The following VPS13B variants were observed in gnomAD, a reference collection of about 807,000 sequenced individuals.
VPS13B encodes the protein intermembrane lipid transfer protein VPS13B.
In VPS13B, 285 loss-of-function variants were observed where a neutral mutation model predicts 426.4. The observed-to-expected ratio is 0.67, with a 90% CI of 0.61 to 0.74. The LOEUF is 0.74. Ranked by LOEUF, VPS13B falls within the 30% of genes least tolerant of loss-of-function variation. VPS13B has a pLI of 0.00. For missense variants in VPS13B, 4,537 were observed against 4,782.6 expected, an observed-to-expected ratio of 0.95 and a Z score of 1.51; for synonymous variants, 1,676 against 1,676.4, an observed-to-expected ratio of 1.00 and a Z score of 0.01.
intron 31 of VPS13B, among the ~76,000 whole-genome samples, chr8:99,566,179 A>AT (rs1825171703): frequency 6.6e-6 from 1 of 151,846 alleles, no homozygotes; most frequent in Admixed American, 6.6e-5. Flanking sequence ...AACAGGGCAG[A>AT]GATCCTGTCT....
chr8:99,121,247 G>A lies in VPS13B; in HGVS notation c.1008G>A (p.Gln336=). The part of the protein sequence containing the change: ...AQHKGQELYS[Q]QDEEQPQGWV... ...ATAAAGGTCAAGAGTTATATTCACAGCAAGATGAGGAGCAGCCACAGGGAT... is the reference window on the plus strand; with the variant it reads ...ATAAAGGTCAAGAGTTATATTCACAACAAGATGAGGAGCAGCCACAGGGAT... Residue 336 remains glutamine, a synonymous_variant, in exon 8 of 62, where the codon CAG becomes CAA. Coordinates refer to ENST00000357162, the MANE Select transcript of VPS13B (RefSeq NM_152564.5). 1 of 1,614,064 alleles carries A rather than the reference G, an allele frequency of 6.2e-7. No individual in the cohort carries two copies. The highest frequency in any genetic ancestry group is 8.5e-7 in the Non-Finnish European group (1 of 1,179,998).
In VPS13B at chr8:99,784,492, C is replaced by A. The variant is rs1484297251; in HGVS notation, c.7941+16C>A. 1.9e-6 allele frequency: 3 copies of A among 1,613,316 alleles called. No individual in the cohort carries two copies. The highest frequency in any genetic ancestry group is 3.3e-5 in the Admixed American group (2 of 59,946). On this transcript the variant is annotated intron_variant, in intron 43 of 61. Coordinates refer to ENST00000357162, the MANE Select transcript of VPS13B (RefSeq NM_152564.5). ...ATCCCCACAGGTATTTGAGAAACAC[C>A]CTTACAAACAGCCATTGTTAAGGTT...
intron 4 of VPS13B, 101 bp downstream of exon 4, chr8:99,096,533 A>G (rs1588031490): frequency 2.0e-6 from 3 of 1,524,248 alleles, no homozygotes; most frequent in Non-Finnish European, 2.7e-6. Context: ...AGGCGGGTGG[A>G]TTACTTGAGG....
At chr8:99,582,483 T>A (rs554378929) in intron 33 of VPS13B, among the ~76,000 whole-genome samples, 1 of 152,276 alleles carries the variant, frequency 6.6e-6, no homozygotes, top group Non-Finnish European at 1.5e-5. Flanking sequence ...TGCACTTCCT[T>A]TCTACACTTC....
At chr8:99,478,454 T>TGC in intron 24 of VPS13B, among the ~76,000 whole-genome samples, 1 of 131,116 alleles carries the variant, frequency 7.6e-6, no homozygotes, top group Non-Finnish European at 1.6e-5. Context: ...TTTGTTTTTT[T>TGC]TTTTTTTTTT....
intron 17 of VPS13B, among the ~76,000 whole-genome samples, chr8:99,263,256 T>C (rs1296328428): frequency 6.6e-6 from 1 of 152,160 alleles, no homozygotes; most frequent in Non-Finnish European, 1.5e-5. Flanking sequence ...TTGATGTTTT[T>C]CCATAGAGAA....
chr8:99,661,546 C>T, intron 35 of VPS13B, 55 bp downstream of exon 35: 2 of 1,583,520 alleles, frequency 1.3e-6, no homozygotes, highest in Non-Finnish European at 8.6e-7. Flanking sequence ...AATATATTAG[C>T]ATGTATATAG....
At chr8:99,630,752 T>C (rs1413968159) in intron 33 of VPS13B, among the ~76,000 whole-genome samples, 1 of 152,100 alleles carries the variant, frequency 6.6e-6, no homozygotes, top group Non-Finnish European at 1.5e-5. Context: ...TATAAGTAAA[T>C]ATTGAAAGTG....
Position 99,263,635 on chromosome 8 carries a change from A to G in VPS13B, c.2516-10563A>G, listed in dbSNP as rs370080611. ...ACATTTCCGTGAGTGTGCATCTGTC[A>G]TCACATCTCTTTCTCTGACTCTTTT... On this transcript the variant is annotated intron_variant, in intron 17 of 61. Transcript: ENST00000357162. 1.2e-4 allele frequency among the ~76,000 whole-genome samples: 18 copies of G among 152,266 alleles called. No individual in the cohort carries two copies. In the East Asian group the frequency reaches 1.5e-3, roughly 13 times the overall value.
At chr8:99,711,731 G>A (rs1327278959) in intron 36 of VPS13B, among the ~76,000 whole-genome samples, 1 of 152,176 alleles carries the variant, frequency 6.6e-6, no homozygotes, top group Admixed American at 6.5e-5. Context: ...TCCCCACTCA[G>A]TACTTACTGA....
At chr8:99,261,420 C>A (rs1479448117) in intron 17 of VPS13B, among the ~76,000 whole-genome samples, 1 of 152,002 alleles carries the variant, frequency 6.6e-6, no homozygotes, top group Admixed American at 6.6e-5. Flanking sequence ...TTCTTTTTAG[C>A]AATAATATTT....
intron 54 of VPS13B, among the ~76,000 whole-genome samples, chr8:99,844,651 T>C (rs1815886470): frequency 1.3e-5 from 2 of 152,150 alleles, no homozygotes; most frequent in Admixed American, 6.5e-5. Context: ...ATTACAGGCG[T>C]GAGCTACCGC....
At chr8:99,467,350 C>G (rs1438294430) in intron 23 of VPS13B, 64 bp from the exon 24 acceptor site, 4 of 1,460,686 alleles carry the variant, frequency 2.7e-6, no homozygotes, top group Non-Finnish European at 3.8e-6. Flanking sequence ...ATTTTACTAT[C>G]AAGTGAAAAT....
chr8:99,707,507 T>A (rs1371676076), intron 36 of VPS13B, among the ~76,000 whole-genome samples: 3 of 152,138 alleles, frequency 2.0e-5, no homozygotes, highest in African/African-American at 7.2e-5. Context: ...TCAATAACCT[T>A]TATTATCCTT....
intron 34 of VPS13B, among the ~76,000 whole-genome samples, chr8:99,648,482 G>T (rs1829682896): frequency 6.6e-6 from 1 of 152,158 alleles, no homozygotes; most frequent in South Asian, 2.1e-4. Flanking sequence ...CTGTGATTCA[G>T]AATATTTTTA....
At position 99,202,621 on chromosome 8, in the gene VPS13B, A is replaced by G. The variant is rs532185083; in HGVS notation, c.2515+9564A>G. ...ACAGCTGAATTCTACCAGAGGTACA[A>G]AGAGGAGCTGGTACCATTCCTTCTG... On this transcript the variant is annotated intron_variant, in intron 17 of 61. Coordinates refer to ENST00000357162, the MANE Select transcript of VPS13B (RefSeq NM_152564.5). 2.6e-5 allele frequency among the ~76,000 whole-genome samples: 4 copies of G among 152,344 alleles called. No homozygotes were observed. The East Asian group carries it at 7.7e-4, about 29-fold the overall frequency.
intron 39 of VPS13B, among the ~76,000 whole-genome samples, chr8:99,755,411 C>T (rs999167096): frequency 4.6e-5 from 7 of 152,178 alleles, no homozygotes; most frequent in Admixed American, 3.9e-4. Flanking sequence ...ATGAAAATTA[C>T]AAACTTCACA....
chr8:99,225,427 C>T (rs1425499408), intron 17 of VPS13B, among the ~76,000 whole-genome samples: 2 of 152,084 alleles, frequency 1.3e-5, no homozygotes, highest in Non-Finnish European at 2.9e-5. Flanking sequence ...GAGGCACCCA[C>T]CACCACGCCC....
intron 40 of VPS13B, among the ~76,000 whole-genome samples, chr8:99,768,608 T>A (rs1811342694): frequency 6.6e-6 from 1 of 152,230 alleles, no homozygotes; most frequent in Non-Finnish European, 1.5e-5. Context: ...TTATTTTGTA[T>A]GCTTGATAAT....
Sources: gnomAD v4.1 joint callset for allele counts (sites outside exome capture counted in the v4.1 genomes callset) on GRCh38, gnomAD v4.1.1 for gene constraint, MANE v1.5 for transcripts, NCBI Gene and HGNC (gene_info 2026-07-23, HGNC 2026-07-21) for gene names.